The following RPS6KA2 variants were observed in gnomAD, a reference collection of about 807,000 sequenced individuals.
The protein encoded by RPS6KA2 is ribosomal protein S6 kinase alpha-2.
Under a neutral mutation model 91.8 loss-of-function variants are expected in RPS6KA2, and 42 were observed. That is an observed-to-expected ratio of 0.46 (90% CI 0.36 to 0.59). RPS6KA2 has a LOEUF of 0.59. Ranked by LOEUF, RPS6KA2 falls within the 20% of genes least tolerant of loss-of-function variation. The pLI, the probability that RPS6KA2 is intolerant of heterozygous loss-of-function variation, is 0.00. For missense variants in RPS6KA2, 798 were observed against 978.5 expected (o/e 0.82, Z 2.46); for synonymous variants, 414 against 393.6 (o/e 1.05, Z -0.61).
Position 166,410,840 on chromosome 6 carries a change from C to T in RPS6KA2, c.*1922G>A, listed in dbSNP as rs56158531. 15,591 of 151,934 alleles carry T rather than the reference C, an allele frequency of 0.1. 2,514 individuals carry two copies. Among genetic ancestry groups the T allele is most frequent in the African/African-American group, 0.35 (14,251 of 41,306 alleles). The allele number at this position is 151,934 out of a possible 1,614,324, so 9.4% of individuals were successfully genotyped here. ...GGGCAGCTGATGGGGGAATCGTTGC[C>T]TGTGTAGCAAGCAGAAAAGGTGATG... is the stretch of plus-strand genomic sequence containing the variant. On this transcript the variant is annotated 3_prime_UTR_variant, in exon 21 of 21. Coordinates refer to ENST00000265678, the MANE Select transcript of RPS6KA2 (RefSeq NM_021135.6).
At chr6:166,786,234 G>A (rs1778926045) in intron 2 of RPS6KA2, among the ~76,000 whole-genome samples, 1 of 152,212 alleles carries the variant, frequency 6.6e-6, no homozygotes, top group Non-Finnish European at 1.5e-5. Flanking sequence ...ACACAGGAGT[G>A]GCAGCCTGGC....
In RPS6KA2 at chr6:166,726,284, C is replaced by A. The variant is rs540514093; in HGVS notation, c.123+131916G>T. Among the ~76,000 whole-genome samples the A allele has an allele frequency of 2.1e-4, 32 of 152,244 alleles. No homozygotes were observed. The highest frequency in any genetic ancestry group is 6.8e-3 in the Middle Eastern group (2 of 294). On this transcript the variant is annotated intron_variant, in intron 2 of 21. Transcript: ENST00000503859. The surrounding 1 kb of genome is among the most constrained non-coding windows in gnomAD (Gnocchi z 4.4). ...AGGACAAGGACAGACCAGAGGCTGA[C>A]GGCTTGCAAGTAGATGTGGAAGATA...
intron 2 of RPS6KA2, among the ~76,000 whole-genome samples, chr6:166,721,832 CCGG>C (rs1790183868): frequency 9.1e-4 from 2 of 2,208 alleles, no homozygotes; most frequent in East Asian, 0.083. Context: ...AGAGGAGGAG[CCGG>C]TGCCAGCTCA....
intron 2 of RPS6KA2, among the ~76,000 whole-genome samples, chr6:166,760,871 G>C (rs1778150515): frequency 6.6e-6 from 1 of 152,170 alleles, no homozygotes; most frequent in Non-Finnish European, 1.5e-5. Context: ...AGAATTAAAA[G>C]GAAATTTTCC....
intron 2 of RPS6KA2, among the ~76,000 whole-genome samples, chr6:166,815,835 T>C (rs1444238047): frequency 1.3e-5 from 2 of 152,202 alleles, no homozygotes; most frequent in Non-Finnish European, 2.9e-5. Flanking sequence ...ACAGAGGTTT[T>C]TGCCGTTGCC....
chr6:166,663,480 T>C (rs949837772), intron 2 of RPS6KA2, among the ~76,000 whole-genome samples: 2 of 152,056 alleles, frequency 1.3e-5, no homozygotes, highest in East Asian at 1.9e-4. Context: ...GGCCAAGGAG[T>C]TCTTCAGGGA....
chr6:166,556,970 A>C lies in RPS6KA2; in HGVS notation c.100-18186T>G, dbSNP rs190694832. ...TGGACTCAGTGTGTAGCTGGTGTCC[A>C]GTGTTCTGGCCAAGTCCACGAGTTC... On this transcript the variant is annotated intron_variant, in intron 1 of 20. Transcript: ENST00000265678. 1.6e-3 allele frequency among the ~76,000 whole-genome samples: 248 copies of C among 152,368 alleles called. 1 individual carries two copies. Among genetic ancestry groups the C allele is most frequent in the Admixed American group, 4.4e-3 (68 of 15,302 alleles).
chr6:166,570,262 C>T (rs991636974), intron 1 of RPS6KA2, among the ~76,000 whole-genome samples: 7 of 152,142 alleles, frequency 4.6e-5, no homozygotes, highest in East Asian at 1.9e-4. Flanking sequence ...GGCAGCACCC[C>T]GGTATGGAGA....
At chr6:166,755,326 T>G (rs1777975986) in intron 2 of RPS6KA2, among the ~76,000 whole-genome samples, 1 of 152,120 alleles carries the variant, frequency 6.6e-6, no homozygotes, top group Non-Finnish European at 1.5e-5. Context: ...AAAAACCTTA[T>G]GAAGAGATGC....
At position 166,498,201 on chromosome 6, in the gene RPS6KA2, C is replaced by T. The variant is rs142943795; in HGVS notation, c.747+307G>A. ...TCTAAATAAGAAAAATACTTTAACT[C>T]GAAAATCATGGCATCTCTTGTAATC... On this transcript the variant is annotated intron_variant, in intron 8 of 20. Coordinates refer to ENST00000265678, the MANE Select transcript of RPS6KA2 (RefSeq NM_021135.6). Among the ~76,000 whole-genome samples, 457 of 152,342 alleles carry T rather than the reference C, an allele frequency of 3.0e-3. 2 individuals carry two copies. The highest frequency in any genetic ancestry group is 0.01 in the African/African-American group (435 of 41,576).
At chr6:166,858,632 A>C (rs947209911) in intron 1 of RPS6KA2, among the ~76,000 whole-genome samples, 1 of 152,242 alleles carries the variant, frequency 6.6e-6, no homozygotes, top group Non-Finnish European at 1.5e-5. Context: ...GCTGATGTGG[A>C]AGCACAGAGC....
chr6:166,422,035 G>A (rs562544551), intron 17 of RPS6KA2, among the ~76,000 whole-genome samples: 49 of 152,200 alleles, frequency 3.2e-4, no homozygotes, highest in Middle Eastern at 3.4e-3. Flanking sequence ...GAGTAGCTGG[G>A]ACTGTGGGCA....
Position 166,707,225 on chromosome 6 carries a change from C to G in RPS6KA2, c.123+150975G>C, listed in dbSNP as rs61246360. ...CGGGGTTGCCGGGAAGGGGGCAGCT[C>G]TGCTCTCTGTGCAGATGGACGGCAG... On this transcript the variant is annotated intron_variant, in intron 2 of 21. Coordinates refer to the RPS6KA2 transcript ENST00000503859. Among the ~76,000 whole-genome samples, 914 of 152,346 alleles carry G rather than the reference C, an allele frequency of 6.0e-3. 2 individuals are homozygous for G. Among genetic ancestry groups the G allele is most frequent in the African/African-American group, 0.02 (830 of 41,580 alleles).
intron 2 of RPS6KA2, among the ~76,000 whole-genome samples, chr6:166,830,125 CAA>C (rs34980248): frequency 0.048 from 4,791 of 99,396 alleles, 349 homozygotes; most frequent in East Asian, 0.37. Flanking sequence ...AACTCCATTT[CAA>C]AAAAAAAAAA....
chr6:166,861,801 C>CT (rs1781052479), intron 1 of RPS6KA2, among the ~76,000 whole-genome samples: 1 of 152,218 alleles, frequency 6.6e-6, no homozygotes, highest in Non-Finnish European at 1.5e-5. Flanking sequence ...AACGGGAATA[C>CT]TTTAAGACTT....
chr6:166,659,434 G>C (rs1289017075), intron 2 of RPS6KA2, among the ~76,000 whole-genome samples: 2 of 152,216 alleles, frequency 1.3e-5, no homozygotes, highest in African/African-American at 4.8e-5. Flanking sequence ...GTGCAGGACA[G>C]AGCCAAGGCC....
chr6:166,576,778 GC>G (rs1450218062), intron 1 of RPS6KA2, among the ~76,000 whole-genome samples: 3 of 152,210 alleles, frequency 2.0e-5, no homozygotes, highest in African/African-American at 7.2e-5. Context: ...GGAAATTCAA[GC>G]CGGTTGAGGA....
Position 166,480,514 on chromosome 6 carries a change from T to TATATATATAA in RPS6KA2, c.907+8318_907+8319insTTATATATAT, listed in dbSNP as rs1554279395. Among the ~76,000 whole-genome samples, 381 of 110,470 alleles carry TATATATATAA rather than the reference T, an allele frequency of 3.4e-3. 7 individuals carry two copies. The highest frequency in any genetic ancestry group is 7.0e-3 in the African/African-American group (178 of 25,610). 72.5% of individuals were successfully genotyped at this position (110,470 alleles called of 152,430 possible). Reference sequence around the variant, plus strand: ...ATATATATATATATATATATATATATAATATATTTTTTTTTTTTGAGAGAG... The same window carrying TATATATATAA: ...ATATATATATATATATATATATATATATATATATAAAATATATTTTTTTTTTTTGAGAGAG... On this transcript the variant is annotated intron_variant, in intron 10 of 20. Coordinates refer to ENST00000265678, the MANE Select transcript of RPS6KA2 (RefSeq NM_021135.6).
rs117854137 is a variant in RPS6KA2 at position 166,478,203 on chromosome 6, T to C, written c.908-8298A>G. Among the ~76,000 whole-genome samples the C allele has an allele frequency of 5.4e-4, 82 of 152,314 alleles. 4 individuals carry two copies. The East Asian group carries it at 0.015, about 29-fold the overall frequency. On this transcript the variant is annotated intron_variant, in intron 10 of 20. Coordinates refer to ENST00000265678, the MANE Select transcript of RPS6KA2 (RefSeq NM_021135.6). Reference sequence around the variant, plus strand: ...GTGGCAGAGGTGGGGTCGCGGTGCCTGCCACCTGAGGCGGCACGTCCCTTG... The same window carrying C: ...GTGGCAGAGGTGGGGTCGCGGTGCCCGCCACCTGAGGCGGCACGTCCCTTG...
Sources: allele counts gnomAD v4.1 joint callset (sites outside exome capture counted in the v4.1 genomes callset), GRCh38; gene constraint gnomAD v4.1.1; non-coding constraint Gnocchi (gnomAD v3.1); transcripts MANE v1.5; gene names NCBI Gene and HGNC (gene_info 2026-07-23, HGNC 2026-07-21).